The following SERPINE3 variants were observed in gnomAD, a reference collection of about 807,000 sequenced individuals.
The protein encoded by SERPINE3 is serpin E3.
A neutral mutation model predicts 41.7 loss-of-function variants in SERPINE3; 43 were observed. The observed-to-expected ratio is 1.03, with a 90% confidence interval of 0.81 to 1.33. The LOEUF is 1.33. SERPINE3 is among the 40% of genes most tolerant of loss of function. The pLI is 0.00. For missense variants in SERPINE3, 440 were observed against 491.7 expected (o/e 0.89, Z 0.99); for synonymous variants, 200 against 192.2 (o/e 1.04, Z -0.34).
chr13:51,348,393 T>C lies in SERPINE3; in HGVS notation c.881T>C (p.Met294Thr), dbSNP rs1955372366. ...LWTTSLRRARMDVFLPRFRIQ... is the reference protein window; with the variant it reads ...LWTTSLRRARTDVFLPRFRIQ... ...ACCACCAGCCTGAGGAGAGCCAGGA[T>C]GGATGTGTTCCTGCCCAGGTGAGCA... The change falls in exon 6 of 10, where the codon ATG becomes ACG. Residue 294 changes from methionine to threonine, a missense_variant. Physicochemically the swap from Met to Thr is moderately conservative, Grantham distance 81. Coordinates refer to ENST00000681248, the MANE Select transcript of SERPINE3 (RefSeq NM_001386375.1). The C allele has an allele frequency of 1.9e-6, 3 of 1,613,592 alleles. No individual in the cohort carries two copies. The highest frequency in any genetic ancestry group is 1.7e-6 in the Non-Finnish European group (2 of 1,179,830).
chr13:51,347,092 T>C lies in SERPINE3; in HGVS notation c.558T>C (p.Leu186=), dbSNP rs1292556662. The C allele has an allele frequency of 6.2e-7, 1 of 1,608,988 alleles. No individual in the cohort carries two copies. Among genetic ancestry groups the C allele is most frequent in the Admixed American group, 1.7e-5 (1 of 59,390 alleles). Residue 186 remains leucine (L), a synonymous_variant, in exon 5 of 10, where the codon CTT becomes CTC. Transcript: ENST00000681248. ...AAGTCAGTGCAGCATTTGCTCAGCT[T>C]GTGCTTGTGAGCACCATGTCCTTCC... ...WEQVSAAFAQ[L]VLVSTMSFQG...
At chr13:51,361,504 TAAAGA>T (rs1955574205) in intron 8 of SERPINE3, 140 bp downstream of exon 8, 1 of 641,488 alleles carries the variant, frequency 1.6e-6, no homozygotes, top group Non-Finnish European at 2.7e-6. Context: ...AAAGGAACAC[TAAAGA>T]AAACAAAAAG....
rs1205622540 is a variant in SERPINE3 at position 51,364,416 on chromosome 13, C to G, written c.*134C>G. On this transcript the variant is annotated 3_prime_UTR_variant, in exon 10 of 10. Coordinates refer to ENST00000681248, the MANE Select transcript of SERPINE3 (RefSeq NM_001386375.1). ...GTATGTGATTTTCAATATTATAAAC[C>G]TAAAAATACTTCAGTTTTTAAATGT... 2 of 491,604 alleles carry G rather than the reference C, an allele frequency of 4.1e-6. No homozygotes were observed. The allele number at this position is 491,604 out of a possible 1,614,324, so 30.5% of individuals were successfully genotyped here.
At chr13:51,360,489 T>C (rs1955556014) in intron 7 of SERPINE3, among the ~76,000 whole-genome samples, 1 of 152,110 alleles carries the variant, frequency 6.6e-6, no homozygotes, top group South Asian at 2.1e-4. Flanking sequence ...TACTGTGTCA[T>C]CAAGTATCCT....
chr13:51,341,608 G>A (rs1388489919), intron 3 of SERPINE3, among the ~76,000 whole-genome samples: 1 of 152,194 alleles, frequency 6.6e-6, no homozygotes. Context: ...GGATGGTGGT[G>A]ACCCTTGAAT....
intron 7 of SERPINE3, among the ~76,000 whole-genome samples, chr13:51,359,883 C>T (rs1955536964): frequency 6.6e-6 from 1 of 151,872 alleles, no homozygotes; most frequent in Non-Finnish European, 1.5e-5. Context: ...TCTTAAAGAC[C>T]CTAGAGAAAA....
At chr13:51,339,866 G>A (rs902513321) in intron 1 of SERPINE3, 123 bp downstream of exon 1, 1 of 152,138 alleles carries the variant, frequency 6.6e-6, no homozygotes, top group African/African-American at 2.4e-5. Flanking sequence ...AGAGCTGTGA[G>A]AACCCTGGGG....
chr13:51,346,962 A>G, intron 4 of SERPINE3, 63 bp from the exon 5 acceptor site: 2 of 1,259,316 alleles, frequency 1.6e-6, no homozygotes, highest in South Asian at 2.6e-5. Flanking sequence ...CCGCACACAC[A>G]CTGGGTTCGG....
chr13:51,354,592 A>G (rs1230641699), intron 6 of SERPINE3, among the ~76,000 whole-genome samples: 2 of 101,938 alleles, frequency 2.0e-5, no homozygotes, highest in Non-Finnish European at 4.5e-5. Context: ...CCCATCTCAG[A>G]AAAAAAAAAA....
At chr13:51,348,732 G>T (rs146167806) in intron 6 of SERPINE3, 2 of 295,468 alleles carry the variant, frequency 6.8e-6, no homozygotes, top group African/African-American at 2.1e-5. Flanking sequence ...CCAGTTTTTG[G>T]AAAGGAAATG....
chr13:51,353,477 G>A (rs189740140), intron 6 of SERPINE3, among the ~76,000 whole-genome samples: 7 of 152,246 alleles, frequency 4.6e-5, no homozygotes, highest in Admixed American at 3.9e-4. Context: ...AACTTCCCAC[G>A]GAGGTAAAGT....
At chr13:51,362,045 T>C (rs752122591) in intron 9 of SERPINE3, 152 bp downstream of exon 9, 1 of 1,582,974 alleles carries the variant, frequency 6.3e-7, no homozygotes, top group Non-Finnish European at 8.5e-7. Context: ...TCTTCTATCC[T>C]AAGAAAGGGG....
Position 51,343,116 on chromosome 13 carries a change from G to A in SERPINE3, c.257-1136G>A, listed in dbSNP as rs187594206. ...GGGTCTGCTGCTGCCTCCTGGCTTG[G>A]CTTCTGCAACATGAAGGGTGTCAGA... On this transcript the variant is annotated intron_variant, in intron 3 of 9. Coordinates refer to ENST00000681248, the MANE Select transcript of SERPINE3 (RefSeq NM_001386375.1). Among the ~76,000 whole-genome samples, 411 of 152,292 alleles carry A rather than the reference G, an allele frequency of 2.7e-3. 2 individuals carry two copies. The highest frequency in any genetic ancestry group is 9.1e-3 in the African/African-American group (378 of 41,566).
At chr13:51,352,674 G>C (rs2137797666) in intron 6 of SERPINE3, among the ~76,000 whole-genome samples, 1 of 152,114 alleles carries the variant, frequency 6.6e-6, no homozygotes, top group East Asian at 1.9e-4. Flanking sequence ...TGATCTTAGG[G>C]GGAAAGTTTT....
rs772478852 is a variant in SERPINE3 at position 51,341,328 on chromosome 13, C to A, written c.237C>A (p.Ala79=). The A allele has an allele frequency of 2.5e-6, 4 of 1,603,912 alleles. No individual in the cohort carries two copies. The Admixed American group carries it at 5.2e-5, about 21-fold the overall frequency. ...EGSTGQQLAD[A]LGYTVHDKRV... ...GCACTGGTCAGCAGCTGGCAGATGCCCTGGGGTACACTGTCCATGGTAAGA... is the reference window on the plus strand; with the variant it reads ...GCACTGGTCAGCAGCTGGCAGATGCACTGGGGTACACTGTCCATGGTAAGA... Residue 79 remains alanine (A), a synonymous_variant, in exon 3 of 10, where the codon GCC becomes GCA. Coordinates refer to ENST00000681248, the MANE Select transcript of SERPINE3 (RefSeq NM_001386375.1).
In SERPINE3 at chr13:51,340,817, C is replaced by T. The variant is rs935197708; in HGVS notation, c.-62C>T. On this transcript the variant is annotated 5_prime_UTR_variant, in exon 2 of 10. Coordinates refer to ENST00000681248, the MANE Select transcript of SERPINE3 (RefSeq NM_001386375.1). Reference sequence around the variant, plus strand: ...TAAAGTCACACATCCAGTAAGTGGCCGAAGCAGATCTTCAGACCCACAGTT... The same window carrying T: ...TAAAGTCACACATCCAGTAAGTGGCTGAAGCAGATCTTCAGACCCACAGTT... 2.8e-5 allele frequency: 15 copies of T among 530,968 alleles called. No individual in the cohort carries two copies. The highest frequency in any genetic ancestry group is 9.5e-5 in the African/African-American group (5 of 52,650). 32.9% of individuals were successfully genotyped at this position (530,968 alleles called of 1,614,324 possible). A position where few individuals can be genotyped will look rare whatever the true frequency, so the allele number is the denominator to read the frequency against.
At chr13:51,345,456 T>A (rs536625526) in intron 4 of SERPINE3, among the ~76,000 whole-genome samples, 2 of 151,976 alleles carry the variant, frequency 1.3e-5, no homozygotes, top group South Asian at 4.2e-4. Flanking sequence ...TAGCCAGGCA[T>A]GGTGGCATGT....
chr13:51,361,730 A>G, intron 8 of SERPINE3, 80 bp from the exon 9 acceptor site: 1 of 1,283,558 alleles, frequency 7.8e-7, no homozygotes. Context: ...TTCTTAAAAA[A>G]TTAACTTACT....
intron 6 of SERPINE3, among the ~76,000 whole-genome samples, chr13:51,354,591 GAAA>G (rs11318595): frequency 1.5e-5 from 2 of 129,996 alleles, no homozygotes; most frequent in African/African-American, 2.9e-5. Context: ...CCCCATCTCA[GAAA>G]AAAAAAAAAA....
Sources: allele counts gnomAD v4.1 joint callset (sites outside exome capture counted in the v4.1 genomes callset), GRCh38; gene constraint gnomAD v4.1.1; transcripts MANE v1.5; gene names NCBI Gene and HGNC (gene_info 2026-07-23, HGNC 2026-07-21).